The following ZNF892 variants were observed in gnomAD, a reference collection of about 807,000 sequenced individuals.
The protein encoded by ZNF892 is zinc finger protein 892.
At chr2:95,215,283 T>A in the ZNF892 span, 8 of 479,612 alleles carry the variant, frequency 1.7e-5, no homozygotes, top group Non-Finnish European at 3.0e-5. Flanking sequence ...GGAGAAACCC[T>A]ATAAATGCAA....
the ZNF892 span, among the ~76,000 whole-genome samples, chr2:95,253,558 G>A: frequency 2.0e-5 from 3 of 152,166 alleles, no homozygotes; most frequent in Non-Finnish European, 4.4e-5. Flanking sequence ...GATTGACTTG[G>A]CAATGTGGGC....
chr2:95,236,769 T>C, the ZNF892 span, among the ~76,000 whole-genome samples: 2 of 152,146 alleles, frequency 1.3e-5, no homozygotes, highest in Admixed American at 6.5e-5. Context: ...CCTTCTAGAA[T>C]AGTCATGATT....
At chr2:95,210,729 T>C in the ZNF892 span, among the ~76,000 whole-genome samples, 7 of 152,148 alleles carry the variant, frequency 4.6e-5, no homozygotes, top group Non-Finnish European at 1.0e-4. Context: ...CTAGGCTGCT[T>C]CAGTGAGCAA....
chr2:95,233,178 A>C, the ZNF892 span, among the ~76,000 whole-genome samples: 2 of 150,486 alleles, frequency 1.3e-5, no homozygotes, highest in Non-Finnish European at 3.0e-5. Context: ...CATACACACC[A>C]GACTTACATT....
chr2:95,260,732 C>T, the ZNF892 span, among the ~76,000 whole-genome samples: 1 of 152,212 alleles, frequency 6.6e-6, no homozygotes. Flanking sequence ...AAACTGCTGC[C>T]TCTGCCTCTG....
At chr2:95,239,656 C>G in the ZNF892 span, among the ~76,000 whole-genome samples, 25 of 151,696 alleles carry the variant, frequency 1.6e-4, no homozygotes, top group Non-Finnish European at 3.2e-4. Flanking sequence ...TGGAGCACGT[C>G]TAGCTCTGTC....
the ZNF892 span, among the ~76,000 whole-genome samples, chr2:95,241,665 G>T: frequency 2.0e-5 from 3 of 152,158 alleles, no homozygotes; most frequent in African/African-American, 7.2e-5. Context: ...AGAGACAGAA[G>T]TAGGCTTCAG....
the ZNF892 span, chr2:95,207,625 G>A: frequency 2.5e-6 from 1 of 392,636 alleles, no homozygotes; most frequent in Non-Finnish European, 4.5e-6. Context: ...TCGAACCCAG[G>A]GTAGAGGAGG....
chr2:95,244,454 G>A, the ZNF892 span, among the ~76,000 whole-genome samples: 1 of 151,722 alleles, frequency 6.6e-6, no homozygotes, highest in African/African-American at 2.4e-5. Flanking sequence ...AAAGACAAGG[G>A]CATTACGTAA....
chr2:95,248,674 ACTAATCT>A, the ZNF892 span, among the ~76,000 whole-genome samples: 2 of 152,106 alleles, frequency 1.3e-5, no homozygotes, highest in Non-Finnish European at 2.9e-5. Flanking sequence ...GAAAAAAAAA[ACTAATCT>A]CTAATTTTAT....
the ZNF892 span, among the ~76,000 whole-genome samples, chr2:95,260,001 GC>G: frequency 6.6e-6 from 1 of 152,218 alleles, no homozygotes; most frequent in African/African-American, 2.4e-5. Context: ...TCTTGTCAGA[GC>G]TTTGGTTAGG....
the ZNF892 span, among the ~76,000 whole-genome samples, chr2:95,223,353 T>G: frequency 2.0e-5 from 3 of 152,336 alleles, no homozygotes; most frequent in African/African-American, 7.2e-5. Context: ...GCAACTTTCT[T>G]TAAACATAAG....
At chr2:95,240,803 C>T in the ZNF892 span, among the ~76,000 whole-genome samples, 1 of 152,222 alleles carries the variant, frequency 6.6e-6, no homozygotes, top group African/African-American at 2.4e-5. Flanking sequence ...CTCTGTGGTT[C>T]AGTCAACTCA....
the ZNF892 span, among the ~76,000 whole-genome samples, chr2:95,257,220 G>T: frequency 3.3e-5 from 5 of 152,242 alleles, no homozygotes; most frequent in Admixed American, 2.6e-4. Context: ...TTTGGTCTTT[G>T]ATGATGGTGA....
the ZNF892 span, among the ~76,000 whole-genome samples, chr2:95,262,541 C>T: frequency 6.6e-6 from 1 of 152,206 alleles, no homozygotes; most frequent in Non-Finnish European, 1.5e-5. Context: ...AGGAGGGATA[C>T]ACCTCCTCTC....
At chr2:95,214,633 A>T in the ZNF892 span, 1 of 400,642 alleles carries the variant, frequency 2.5e-6, no homozygotes. Context: ...TCATTTAAAA[A>T]TAACTTAAAA....
the ZNF892 span, among the ~76,000 whole-genome samples, chr2:95,260,873 AC>A: frequency 6.6e-6 from 1 of 152,132 alleles, no homozygotes; most frequent in Admixed American, 6.5e-5. Context: ...GCAAGGCCAA[AC>A]CCCGCTTTGG....
the ZNF892 span, among the ~76,000 whole-genome samples, chr2:95,234,703 C>G: frequency 6.6e-6 from 1 of 152,222 alleles, no homozygotes; most frequent in Admixed American, 6.5e-5. Flanking sequence ...GTGGAGCACT[C>G]CAACTCCACG....
chr2:95,219,747 A>G, the ZNF892 span, among the ~76,000 whole-genome samples: 1 of 152,148 alleles, frequency 6.6e-6, no homozygotes, highest in East Asian at 1.9e-4. Context: ...AAAGTGTTGC[A>G]GGGGGTGCTG....
Sources: gnomAD v4.1 joint callset for allele counts (sites outside exome capture counted in the v4.1 genomes callset) on GRCh38, gnomAD v4.1.1 for gene constraint, MANE v1.5 for transcripts, NCBI Gene and HGNC (gene_info 2026-07-23, HGNC 2026-07-21) for gene names.